Variants in KIF1C observed in about 807,000 individuals in gnomAD.
KIF1C encodes the protein kinesin-like protein KIF1C.
In KIF1C, 61 loss-of-function variants were observed where a neutral mutation model predicts 126.5. The ratio of observed to expected loss-of-function variants is 0.48; its 90% CI spans 0.39 to 0.60. The LOEUF (loss-of-function observed/expected upper bound fraction) is 0.60, where lower values mean the gene tolerates loss of function less well. Among genes scored for constraint, KIF1C ranks in the 20% least tolerant of loss-of-function variants. KIF1C has a pLI of 0.00. For missense variants in KIF1C, 1,315 were observed against 1,489.2 expected (o/e 0.88, Z 1.93); for synonymous variants, 640 against 580.6 (o/e 1.10, Z -1.47).
At position 5,000,227 on chromosome 17, in the gene KIF1C, G is replaced by A; in HGVS notation, c.-20G>A. 6.5e-6 allele frequency: 10 copies of A among 1,530,094 alleles called. No homozygotes were observed. Among genetic ancestry groups the A allele is most frequent in the Non-Finnish European group, 8.9e-6 (10 of 1,125,600 alleles). 94.8% of individuals were successfully genotyped at this position (1,530,094 alleles called of 1,614,324 possible). ...CCTTTCTCTGTCCTCCAGCTGAGGA[G>A]GGCAGGAGTGTCTGGAGCTATGGCT... On this transcript the variant is annotated 5_prime_UTR_variant, in exon 3 of 23. Transcript: ENST00000320785.
chr17:4,999,176 G>A (rs1974495845), intron 1 of KIF1C: 1 of 152,528 alleles, frequency 6.6e-6, no homozygotes, highest in Non-Finnish European at 1.5e-5. Context: ...GGGGCTTAGA[G>A]CCCACACAGC....
In KIF1C at chr17:5,020,211, G is replaced by A. The variant is rs889406311; in HGVS notation, c.1750+132G>A. On this transcript the variant is annotated intron_variant, in intron 19 of 22. Coordinates refer to ENST00000320785, the MANE Select transcript of KIF1C (RefSeq NM_006612.6). This position sits in a 1 kb window ranked among gnomAD's most constrained non-coding sequence, Gnocchi z 5.8. Reference sequence around the variant, plus strand: ...AGAAATAGCACGGGGATATAAAGAAGGAACTGGGAAGTGAAGGTCAAGGAG... The same window carrying A: ...AGAAATAGCACGGGGATATAAAGAAAGAACTGGGAAGTGAAGGTCAAGGAG... 1.8e-5 allele frequency: 14 copies of A among 767,510 alleles called. No homozygotes were observed. Among genetic ancestry groups the A allele is most frequent in the Non-Finnish European group, 3.1e-5 (14 of 445,432 alleles). 47.5% of individuals were successfully genotyped at this position (767,510 alleles called of 1,614,324 possible). A position where few individuals can be genotyped will look rare whatever the true frequency, so the allele number is the denominator to read the frequency against.
At position 5,009,863 on chromosome 17, in the gene KIF1C, T is replaced by C. The variant is rs150942118; in HGVS notation, c.1491+2321T>C. Among the ~76,000 whole-genome samples the C allele has an allele frequency of 7.0e-4, 106 of 152,278 alleles. 2 individuals carry two copies. The East Asian group carries it at 0.018, about 26-fold the overall frequency. On this transcript the variant is annotated intron_variant, in intron 16 of 22. Transcript: ENST00000320785. ...TTATAACACATGTACAGGCATATGT[T>C]ATATAGAACTATACACATTTACTCA...
At chr17:5,007,107 G>T in intron 14 of KIF1C, 23 bp downstream of exon 14, 1 of 1,583,362 alleles carries the variant, frequency 6.3e-7, no homozygotes. Context: ...AGCTGGCAAG[G>T]GCTGGGGGTC....
In KIF1C at chr17:5,020,179, A is replaced by G; in HGVS notation, c.1750+100A>G. The G allele has an allele frequency of 1.1e-6, 1 of 870,404 alleles. No individual in the cohort carries two copies. The highest frequency in any genetic ancestry group is 1.9e-6 in the Non-Finnish European group (1 of 526,380). The allele number at this position is 870,404 out of a possible 1,614,324, so 53.9% of individuals were successfully genotyped here. ...GTGCATCCTAGAGGAGGACCCTGAA[A>G]TACATCAGAAATAGCACGGGGATAT... is the stretch of plus-strand genomic sequence containing the variant. On this transcript the variant is annotated intron_variant, in intron 19 of 22. Transcript: ENST00000320785. This position sits in a 1 kb window ranked among gnomAD's most constrained non-coding sequence, Gnocchi z 5.8.
chr17:5,003,952 A>G (rs765127573), intron 10 of KIF1C, 36 bp downstream of exon 10: 28 of 1,611,164 alleles, frequency 1.7e-5, no homozygotes, highest in Middle Eastern at 3.3e-4. Context: ...GGGCTTGGGA[A>G]AGGGGAGTGA....
rs2143290534 is a variant in KIF1C at position 4,998,006 on chromosome 17, G to T, written c.-299G>T. The T allele has an allele frequency of 6.7e-6, 1 of 148,702 alleles. No individual in the cohort carries two copies. Among genetic ancestry groups the T allele is most frequent in the South Asian group, 2.1e-4 (1 of 4,816 alleles). 9.2% of individuals were successfully genotyped at this position (148,702 alleles called of 1,614,324 possible). On this transcript the variant is annotated 5_prime_UTR_variant, in exon 1 of 23. Coordinates refer to ENST00000320785, the MANE Select transcript of KIF1C (RefSeq NM_006612.6). ...TGGCGCCGCTACTGCTGCCGCCCCC[G>T]GGGCGCGAGTCCGCCGCCCGCCGCC... is the stretch of plus-strand genomic sequence containing the variant.
At chr17:5,015,564 G>C (rs1417405473) in intron 18 of KIF1C, among the ~76,000 whole-genome samples, 1 of 145,068 alleles carries the variant, frequency 6.9e-6, no homozygotes, top group African/African-American at 2.6e-5. Flanking sequence ...GATTACAGGC[G>C]TGAGCCACTG....
chr17:5,010,883 C>G (rs1277455207), intron 16 of KIF1C, among the ~76,000 whole-genome samples: 1 of 150,454 alleles, frequency 6.6e-6, no homozygotes, highest in Non-Finnish European at 1.5e-5. Context: ...CAATCTCGGC[C>G]CACTGCAAGC....
At position 5,022,424 on chromosome 17, in the gene KIF1C, G is replaced by C. The variant is rs1344742800; in HGVS notation, c.2343G>C (p.Glu781Asp). 2.5e-6 allele frequency: 4 copies of C among 1,580,210 alleles called. No homozygotes were observed. In the South Asian group the frequency reaches 3.4e-5, roughly 14 times the overall value. Residue 781 changes from glutamate (E) to aspartate (D), a missense_variant, in exon 22 of 23, where the codon GAG becomes GAC. Physicochemically the swap from Glu to Asp is conservative, Grantham distance 45. Transcript: ENST00000320785. The surrounding 1 kb of genome is among the most constrained non-coding windows in gnomAD (Gnocchi z 4.9). Reference sequence around the variant, plus strand: ...CCCTGGCCGCCCTCAAGATGCGGGAGCTGTGTCGCACCTATGGCAAGCCAG... The same window carrying C: ...CCCTGGCCGCCCTCAAGATGCGGGACCTGTGTCGCACCTATGGCAAGCCAG... ...IEALAALKMR[E>D]LCRTYGKPDG... is the part of the protein sequence containing the mutation.
intron 13 of KIF1C, among the ~76,000 whole-genome samples, chr17:5,005,729 T>TC (rs976270439): frequency 7.0e-6 from 1 of 143,266 alleles, no homozygotes; most frequent in Non-Finnish European, 1.5e-5. Context: ...AGCTAAGAAT[T>TC]CTTTTTTTTT....
intron 11 of KIF1C, 151 bp downstream of exon 11, chr17:5,004,224 T>C (rs559247695): frequency 1.1e-4 from 77 of 710,210 alleles, no homozygotes; most frequent in Non-Finnish European, 9.2e-5. Flanking sequence ...CCTTTGAAGA[T>C]TTCCTGATGC....
rs1489891485 is a variant in KIF1C, at chr17:5,001,367, G to A, written c.329G>A (p.Arg110Gln). ...GAGKSYTMMGRQEPGQQGIVP... is the reference protein window; with the variant it reads ...GAGKSYTMMGQQEPGQQGIVP... ...GGGAAATCCTATACCATGATGGGGC[G>A]ACAGGAGCCAGGGCAGCAGGGCATC... The change falls in exon 5 of 23, where the codon CGA becomes CAA. Residue 110 changes from arginine (R) to glutamine (Q), a missense_variant. This residue lies in a region of KIF1C where 874 missense variants were observed against 1,053.2 expected (regional missense o/e 0.83). Coordinates refer to ENST00000320785, the MANE Select transcript of KIF1C (RefSeq NM_006612.6). 5.6e-6 allele frequency: 9 copies of A among 1,613,966 alleles called. No individual in the cohort carries two copies. The highest frequency in any genetic ancestry group is 4.0e-5 in the African/African-American group (3 of 74,914).
chr17:5,017,419 T>C (rs1007554322), intron 18 of KIF1C, among the ~76,000 whole-genome samples: 8 of 150,950 alleles, frequency 5.3e-5, no homozygotes, highest in African/African-American at 2.0e-4. Flanking sequence ...CCTGCCTCAG[T>C]CTCCTGAGTA....
rs113609914 is a variant in KIF1C, at chr17:5,026,548, G to C, written c.*2397G>C. 0.044 allele frequency: 6,674 copies of C among 152,808 alleles called. 450 individuals carry two copies. Among genetic ancestry groups the C allele is most frequent in the African/African-American group, 0.15 (6,029 of 41,316 alleles). 9.5% of individuals were successfully genotyped at this position (152,808 alleles called of 1,614,324 possible). A position where few individuals can be genotyped will look rare whatever the true frequency, so the allele number is the denominator to read the frequency against. ...GAGGATCAGTTGAGTCCAGGAGTTC[G>C]AGACCAGCCTGGGCAACATAGTGAA... is the stretch of plus-strand genomic sequence containing the variant. On this transcript the variant is annotated 3_prime_UTR_variant, in exon 23 of 23. Transcript: ENST00000320785.
intron 21 of KIF1C, 111 bp from the exon 22 acceptor site, chr17:5,021,981 C>A: frequency 2.0e-5 from 25 of 1,267,146 alleles, no homozygotes; most frequent in Non-Finnish European, 2.5e-5. Flanking sequence ...AGGACTTGAA[C>A]CCAGGCTCCC....
Position 5,023,794 on chromosome 17 carries a change from C to G in KIF1C, c.2955C>G (p.Pro985=), listed in dbSNP as rs1420963697. 2 of 1,520,194 alleles carry G rather than the reference C, an allele frequency of 1.3e-6. No individual in the cohort carries two copies. Among genetic ancestry groups the G allele is most frequent in the Non-Finnish European group, 1.8e-6 (2 of 1,136,398 alleles). 94.2% of individuals were successfully genotyped at this position (1,520,194 alleles called of 1,614,324 possible). A position where few individuals can be genotyped will look rare whatever the true frequency, so the allele number is the denominator to read the frequency against. Residue 985 remains proline (P), a synonymous_variant, in exon 23 of 23, where the codon CCC becomes CCG. Coordinates refer to ENST00000320785, the MANE Select transcript of KIF1C (RefSeq NM_006612.6). The surrounding 1 kb of genome is among the most constrained non-coding windows in gnomAD (Gnocchi z 4.2). The stretch of plus-strand genomic sequence containing the variant: ...TACGCTTCCCCTTCAAGAGCAACCC[C>G]CAGCACCGGGAGTCTTGGCCAGGGA... The part of the protein sequence containing the change: ...CKLRFPFKSN[P]QHRESWPGMG...
At chr17:5,010,390 A>T (rs1044838279) in intron 16 of KIF1C, among the ~76,000 whole-genome samples, 2 of 152,188 alleles carry the variant, frequency 1.3e-5, no homozygotes, top group Non-Finnish European at 2.9e-5. Context: ...AGTCTTACAA[A>T]TGGGTGTTAT....
At chr17:4,998,557 C>T (rs1277133264) in intron 1 of KIF1C, among the ~76,000 whole-genome samples, 1 of 152,240 alleles carries the variant, frequency 6.6e-6, no homozygotes, top group Non-Finnish European at 1.5e-5. Context: ...CCGTGCCACC[C>T]CATCCCTGTC....
Sources: allele counts gnomAD v4.1 joint callset (sites outside exome capture counted in the v4.1 genomes callset), GRCh38; gene constraint gnomAD v4.1.1; regional missense constraint gnomAD v4.1.1; non-coding constraint Gnocchi (gnomAD v3.1); transcripts MANE v1.5; gene names NCBI Gene and HGNC (gene_info 2026-07-23, HGNC 2026-07-21).